ZDHHC14: variants seen among roughly 807,000 people sequenced by gnomAD.
ZDHHC14 encodes palmitoyltransferase ZDHHC14.
ZDHHC14 carries 16 observed loss-of-function variants against 47.7 expected under a neutral mutation model. The observed-to-expected ratio is 0.34, with a 90% CI of 0.23 to 0.51. The LOEUF is 0.51. Among genes scored for constraint, ZDHHC14 ranks in the 20% least tolerant of loss-of-function variants. The pLI is 0.97. For synonymous variants in ZDHHC14, 293 were observed against 278.9 expected (o/e 1.05, Z -0.50); for missense variants, 515 against 662.5 (o/e 0.78, Z 2.44).
At chr6:157,486,272 C>A (rs1388070287) in intron 1 of ZDHHC14, among the ~76,000 whole-genome samples, 2 of 152,194 alleles carry the variant, frequency 1.3e-5, no homozygotes, top group Non-Finnish European at 2.9e-5. Flanking sequence ...TACCTGTGAA[C>A]TTGGCCGTAT....
At chr6:157,607,832 G>A (rs915260204) in intron 3 of ZDHHC14, among the ~76,000 whole-genome samples, 3 of 152,142 alleles carry the variant, frequency 2.0e-5, no homozygotes, top group Admixed American at 6.5e-5. Flanking sequence ...TGACAGTGCC[G>A]TCTTAAATTT....
chr6:157,469,673 G>C (rs1399144924), intron 1 of ZDHHC14, among the ~76,000 whole-genome samples: 1 of 152,224 alleles, frequency 6.6e-6, no homozygotes, highest in African/African-American at 2.4e-5. Context: ...CATCGTGGCA[G>C]AGGGAGAGAG....
chr6:157,510,518 C>T (rs181649570), intron 1 of ZDHHC14, among the ~76,000 whole-genome samples: 130 of 152,340 alleles, frequency 8.5e-4, no homozygotes, highest in Middle Eastern at 3.4e-3. Flanking sequence ...TCCCTCAGTG[C>T]TGGACAGGTG....
At chr6:157,531,673 T>G (rs1001341933) in intron 1 of ZDHHC14, among the ~76,000 whole-genome samples, 1 of 151,706 alleles carries the variant, frequency 6.6e-6, no homozygotes, top group African/African-American at 2.4e-5. Flanking sequence ...TAGCACATGG[T>G]GCAGCTTGCT....
At chr6:157,437,492 T>A (rs1317192910) in intron 1 of ZDHHC14, among the ~76,000 whole-genome samples, 1 of 152,172 alleles carries the variant, frequency 6.6e-6, no homozygotes, top group African/African-American at 2.4e-5. Context: ...CTTAATCCTT[T>A]TAGAAGGAAG....
chr6:157,539,640 C>T lies in ZDHHC14; in HGVS notation c.246-2945C>T, dbSNP rs146435447. Among the ~76,000 whole-genome samples the T allele has an allele frequency of 3.8e-3, 578 of 152,260 alleles. 1 individual carries two copies. Among genetic ancestry groups the T allele is most frequent in the African/African-American group, 0.013 (532 of 41,542 alleles). On this transcript the variant is annotated intron_variant, in intron 1 of 8. Transcript: ENST00000359775. ...GGGGCGTCCAAAGCACTCACCAATG[C>T]GAGTCTAGGTAGAGCCGGTTTAACC... is the stretch of plus-strand genomic sequence containing the variant.
intron 8 of ZDHHC14, among the ~76,000 whole-genome samples, chr6:157,660,617 C>T (rs1272611909): frequency 6.6e-6 from 1 of 152,282 alleles, no homozygotes; most frequent in South Asian, 2.1e-4. Flanking sequence ...ATCTGTCGCT[C>T]CTCAGCCCAG....
intron 1 of ZDHHC14, among the ~76,000 whole-genome samples, chr6:157,466,812 G>A (rs1175995692): frequency 6.6e-6 from 1 of 152,024 alleles, no homozygotes; most frequent in East Asian, 1.9e-4. Context: ...CTACAGTCTG[G>A]GCGACAGAGT....
intron 1 of ZDHHC14, among the ~76,000 whole-genome samples, chr6:157,512,766 A>G (rs1042883104): frequency 6.6e-6 from 1 of 152,246 alleles, no homozygotes; most frequent in African/African-American, 2.4e-5. Flanking sequence ...GTCTTCCAGT[A>G]TGTATATTTT....
At chr6:157,446,469 G>A (rs1384629275) in intron 1 of ZDHHC14, among the ~76,000 whole-genome samples, 1 of 152,084 alleles carries the variant, frequency 6.6e-6, no homozygotes, top group East Asian at 1.9e-4. Flanking sequence ...GAGTGCAGTG[G>A]TTGAATTTCG....
chr6:157,487,622 C>G (rs141614257), intron 1 of ZDHHC14, among the ~76,000 whole-genome samples: 1 of 152,300 alleles, frequency 6.6e-6, no homozygotes, highest in Non-Finnish European at 1.5e-5. Flanking sequence ...GGATGAAGCC[C>G]CAGGTCAGAG....
In ZDHHC14 at chr6:157,500,235, A is replaced by G. The variant is rs140440104; in HGVS notation, c.246-42350A>G. ...CTAGTGCAAAGGCCCTGAGGTGGGG[A>G]TGAACTTTGCATGTTTGAGGCATGG... On this transcript the variant is annotated intron_variant, in intron 1 of 8. Coordinates refer to ENST00000359775, the MANE Select transcript of ZDHHC14 (RefSeq NM_024630.3). 2.2e-3 allele frequency among the ~76,000 whole-genome samples: 340 copies of G among 152,278 alleles called. 1 individual carries two copies. Among genetic ancestry groups the G allele is most frequent in the Middle Eastern group, 0.014 (4 of 290 alleles).
At chr6:157,549,233 G>A (rs1381910651) in intron 2 of ZDHHC14, among the ~76,000 whole-genome samples, 1 of 152,206 alleles carries the variant, frequency 6.6e-6, no homozygotes, top group Non-Finnish European at 1.5e-5. Flanking sequence ...GTACAGCCTC[G>A]AGCTTCGAAA....
chr6:157,654,732 T>C (rs1027051636), intron 8 of ZDHHC14, among the ~76,000 whole-genome samples: 1 of 143,606 alleles, frequency 7.0e-6, no homozygotes, highest in African/African-American at 2.8e-5. Flanking sequence ...ATAAAGCGTT[T>C]TCTCTCTCTT....
intron 1 of ZDHHC14, among the ~76,000 whole-genome samples, chr6:157,533,046 G>A (rs1781420898): frequency 6.6e-6 from 1 of 152,182 alleles, no homozygotes; most frequent in Non-Finnish European, 1.5e-5. Flanking sequence ...GGGATAATGA[G>A]ATAATGGGGC....
intron 2 of ZDHHC14, among the ~76,000 whole-genome samples, chr6:157,583,065 T>C (rs977770380): frequency 4.6e-5 from 7 of 152,056 alleles, no homozygotes; most frequent in African/African-American, 1.7e-4. Flanking sequence ...TTTATCTTTT[T>C]CAGATCAGTT....
intron 8 of ZDHHC14, 100 bp from the exon 9 acceptor site, chr6:157,672,624 A>G: frequency 2.2e-5 from 6 of 273,144 alleles, no homozygotes; most frequent in East Asian, 1.3e-4. Context: ...CTCTTCTCGC[A>G]CCCCACCCTC....
In ZDHHC14 at chr6:157,637,776, G is replaced by A. The variant is rs183466612; in HGVS notation, c.752+4894G>A. Among the ~76,000 whole-genome samples the A allele has an allele frequency of 2.8e-4, 42 of 152,226 alleles. No homozygotes were observed. In the East Asian group the frequency reaches 6.4e-3, roughly 23 times the overall value. Reference sequence around the variant, plus strand: ...GACCATGCAATAAAAATATTTTGACGAGAAATAAGGGCACAGGCAAAGCTT... The same window carrying A: ...GACCATGCAATAAAAATATTTTGACAAGAAATAAGGGCACAGGCAAAGCTT... On this transcript the variant is annotated intron_variant, in intron 5 of 8. Coordinates refer to ENST00000359775, the MANE Select transcript of ZDHHC14 (RefSeq NM_024630.3).
intron 1 of ZDHHC14, among the ~76,000 whole-genome samples, chr6:157,483,412 G>A (rs905453835): frequency 3.9e-5 from 6 of 152,296 alleles, no homozygotes; most frequent in South Asian, 2.1e-4. Context: ...TTATTTGTCC[G>A]TGAGGCTCAT....
Sources: allele counts gnomAD v4.1 joint callset (sites outside exome capture counted in the v4.1 genomes callset), GRCh38; gene constraint gnomAD v4.1.1; transcripts MANE v1.5; gene names NCBI Gene and HGNC (gene_info 2026-07-23, HGNC 2026-07-21).